Variants in SDK1 observed in about 807,000 individuals in gnomAD.
The protein encoded by SDK1 is protein sidekick-1.
In SDK1, 157 loss-of-function variants were observed where a neutral mutation model predicts 245.5. The observed-to-expected ratio is 0.64, with a 90% CI of 0.56 to 0.73. The LOEUF (loss-of-function observed/expected upper bound fraction) is 0.73, where lower values mean the gene tolerates loss of function less well. Ranked by LOEUF, SDK1 falls within the 30% of genes least tolerant of loss-of-function variation. The pLI is 0.00. For synonymous variants in SDK1, 1,647 were observed against 1,278.5 expected, an observed-to-expected ratio of 1.29 and a Z score of -6.15; for missense variants, 3,583 against 3,002.3, an observed-to-expected ratio of 1.19 and a Z score of -4.52.
rs74993711 is a variant in SDK1, at chr7:3,957,003, A to G, written c.1151-1928A>G. 1.5e-3 allele frequency among the ~76,000 whole-genome samples: 224 copies of G among 152,344 alleles called. 7 individuals carry two copies. The East Asian group carries it at 0.027, about 18-fold the overall frequency. The stretch of plus-strand genomic sequence containing the variant: ...CCGTAGGTGCCGACCATTGTTATCT[A>G]TGGATTTTGTATCATCAAAGCACAG... On this transcript the variant is annotated intron_variant, in intron 7 of 44. Coordinates refer to ENST00000404826, the MANE Select transcript of SDK1 (RefSeq NM_152744.4).
At chr7:3,393,792 T>G (rs1026119651) in intron 1 of SDK1, among the ~76,000 whole-genome samples, 2 of 152,200 alleles carry the variant, frequency 1.3e-5, no homozygotes, top group African/African-American at 2.4e-5. Context: ...ACAGCTATTT[T>G]GAGTTCTTGA....
At chr7:3,913,914 A>G (rs1327428498) in intron 5 of SDK1, among the ~76,000 whole-genome samples, 1 of 152,152 alleles carries the variant, frequency 6.6e-6, no homozygotes, top group African/African-American at 2.4e-5. Context: ...CCCAGATTAC[A>G]CATTAAGTTA....
chr7:3,490,040 A>C (rs1781821659), intron 1 of SDK1, among the ~76,000 whole-genome samples: 2 of 152,222 alleles, frequency 1.3e-5, no homozygotes, highest in South Asian at 4.1e-4. Context: ...AATACACAGA[A>C]ATGATCTACT....
rs142637843 is a variant in SDK1, at chr7:4,066,825, T to C, written c.2912-1013T>C. ...CTGTCCCTGAGTCGCAGGCAGGTGG[T>C]CCATCTGCATGTGGGGCGGAGCTCT... is the stretch of plus-strand genomic sequence containing the variant. On this transcript the variant is annotated intron_variant, in intron 19 of 44. Coordinates refer to ENST00000404826, the MANE Select transcript of SDK1 (RefSeq NM_152744.4). Among the ~76,000 whole-genome samples the C allele has an allele frequency of 3.4e-3, 517 of 152,310 alleles. 2 individuals carry two copies. Among genetic ancestry groups the C allele is most frequent in the Admixed American group, 5.9e-3 (91 of 15,302 alleles).
At chr7:3,631,746 T>C (rs1357006880) in intron 2 of SDK1, among the ~76,000 whole-genome samples, 1 of 152,188 alleles carries the variant, frequency 6.6e-6, no homozygotes, top group Non-Finnish European at 1.5e-5. Flanking sequence ...GTAAATGATT[T>C]GGATTTAGAT....
chr7:3,944,036 A>G (rs918405749), intron 5 of SDK1, among the ~76,000 whole-genome samples: 1 of 152,238 alleles, frequency 6.6e-6, no homozygotes, highest in African/African-American at 2.4e-5. Flanking sequence ...TCAGTTGAGA[A>G]CACTACTGTA....
chr7:3,683,762 C>T (rs750105488), intron 4 of SDK1, among the ~76,000 whole-genome samples: 4 of 152,178 alleles, frequency 2.6e-5, no homozygotes, highest in Non-Finnish European at 5.9e-5. Context: ...TTGCCTTAGA[C>T]ACATGCATTA....
At chr7:3,958,687 A>G (rs1032491987) in intron 7 of SDK1, among the ~76,000 whole-genome samples, 2 of 152,168 alleles carry the variant, frequency 1.3e-5, no homozygotes, top group African/African-American at 4.8e-5. Context: ...AAGATATTCC[A>G]TGATTCAAGC....
intron 5 of SDK1, among the ~76,000 whole-genome samples, chr7:3,912,765 G>A (rs1314026867): frequency 6.6e-6 from 1 of 152,248 alleles, no homozygotes; most frequent in Admixed American, 6.5e-5. Flanking sequence ...TTGACAGAAG[G>A]AAGAGGAAGG....
chr7:3,574,635 C>T (rs925585911), intron 1 of SDK1, among the ~76,000 whole-genome samples: 23 of 152,022 alleles, frequency 1.5e-4, no homozygotes, highest in Non-Finnish European at 2.6e-4. Context: ...AATCCCAGTC[C>T]GCATCATTCC....
intron 19 of SDK1, among the ~76,000 whole-genome samples, chr7:4,058,704 A>T (rs1779352463): frequency 6.6e-6 from 1 of 152,212 alleles, no homozygotes. Context: ...TATTCAAAGT[A>T]CTGGGGAAAA....
intron 17 of SDK1, among the ~76,000 whole-genome samples, chr7:4,036,772 A>C (rs934651881): frequency 2.0e-5 from 3 of 152,166 alleles, no homozygotes; most frequent in Admixed American, 6.5e-5. Flanking sequence ...AGAAGGCACC[A>C]TCTCTAAGAA....
At chr7:3,524,643 C>A (rs903136820) in intron 1 of SDK1, among the ~76,000 whole-genome samples, 6 of 152,136 alleles carry the variant, frequency 3.9e-5, no homozygotes, top group African/African-American at 1.4e-4. Context: ...TGTGTTTTCA[C>A]ACACACTGAG....
intron 5 of SDK1, among the ~76,000 whole-genome samples, chr7:3,899,968 G>A (rs943460175): frequency 6.6e-6 from 1 of 152,208 alleles, no homozygotes; most frequent in East Asian, 1.9e-4. Context: ...GCATTTGAAT[G>A]AATTTTTAAA....
At chr7:3,340,063 A>T (rs1780305390) in intron 1 of SDK1, among the ~76,000 whole-genome samples, 1 of 152,152 alleles carries the variant, frequency 6.6e-6, no homozygotes, top group African/African-American at 2.4e-5. Flanking sequence ...CCCACAGATA[A>T]CTTTGTGCTC....
chr7:4,140,562 A>C (rs528455940), intron 28 of SDK1, among the ~76,000 whole-genome samples: 1 of 147,404 alleles, frequency 6.8e-6, no homozygotes, highest in African/African-American at 2.5e-5. Flanking sequence ...GAATCCCATC[A>C]TACTGCAGCA....
chr7:3,326,226 A>G (rs1779937645), intron 1 of SDK1, among the ~76,000 whole-genome samples: 2 of 152,164 alleles, frequency 1.3e-5, no homozygotes, highest in South Asian at 2.1e-4. Context: ...CGTTGTGAAC[A>G]TTTTGGTGAA....
At chr7:3,893,207 C>A (rs551498930) in intron 5 of SDK1, among the ~76,000 whole-genome samples, 1 of 152,244 alleles carries the variant, frequency 6.6e-6, no homozygotes, top group East Asian at 1.9e-4. Flanking sequence ...AAAATCTGAT[C>A]CCTTAACCAG....
At chr7:3,331,798 G>C (rs73046676) in intron 1 of SDK1, among the ~76,000 whole-genome samples, 4,095 of 152,092 alleles carry the variant, frequency 0.027, 76 homozygotes, top group Middle Eastern at 0.041. Flanking sequence ...CTCAGATGCA[G>C]CTTATTTTAA....
Sources: gnomAD v4.1 joint callset for allele counts (sites outside exome capture counted in the v4.1 genomes callset) on GRCh38, gnomAD v4.1.1 for gene constraint, MANE v1.5 for transcripts, NCBI Gene and HGNC (gene_info 2026-07-23, HGNC 2026-07-21) for gene names.